The following NPSR1 variants were observed in gnomAD, a reference collection of about 807,000 sequenced individuals.
NPSR1 encodes the protein neuropeptide S receptor.
In NPSR1, 48 loss-of-function variants were observed where a neutral mutation model predicts 46.9. That is an observed-to-expected ratio of 1.02 (90% CI 0.81 to 1.30). NPSR1 has a LOEUF of 1.30. Among genes scored for constraint, NPSR1 ranks in the 50% most tolerant of loss-of-function variants. NPSR1 has a pLI of 0.00. For missense variants in NPSR1, 450 were observed against 449.5 expected, an observed-to-expected ratio of 1.00 and a Z score of -0.01; for synonymous variants, 176 against 168.1, an observed-to-expected ratio of 1.05 and a Z score of -0.36.
At chr7:34,693,283 C>G (rs1319295639) in intron 2 of NPSR1, among the ~76,000 whole-genome samples, 1 of 152,018 alleles carries the variant, frequency 6.6e-6, no homozygotes, top group Non-Finnish European at 1.5e-5. Flanking sequence ...TTCTTTATAG[C>G]CTTGTGAGAA....
At chr7:34,753,090 A>C (rs184407480) in intron 2 of NPSR1, among the ~76,000 whole-genome samples, 2 of 152,330 alleles carry the variant, frequency 1.3e-5, no homozygotes, top group East Asian at 3.9e-4. Flanking sequence ...AATCAATAGT[A>C]ATTGATGAGT....
chr7:34,769,793 T>G (rs1471877017), intron 2 of NPSR1, among the ~76,000 whole-genome samples: 2 of 152,226 alleles, frequency 1.3e-5, no homozygotes, highest in Admixed American at 6.5e-5. Context: ...CTGTTGTGAC[T>G]CTACTTCGGC....
At chr7:34,729,947 A>AT (rs1247536248) in intron 2 of NPSR1, among the ~76,000 whole-genome samples, 2 of 152,022 alleles carry the variant, frequency 1.3e-5, no homozygotes, top group East Asian at 1.9e-4. Flanking sequence ...CTCAATGTTT[A>AT]TTTTTTAGTA....
intron 3 of NPSR1, among the ~76,000 whole-genome samples, chr7:34,796,009 A>G (rs1562735686): frequency 6.6e-6 from 1 of 152,212 alleles, no homozygotes; most frequent in Non-Finnish European, 1.5e-5. Context: ...TATTTACTAT[A>G]AAGCTATAGT....
Position 34,811,832 on chromosome 7 carries a change from C to T in NPSR1, c.447C>T (p.Ala149=). The T allele has an allele frequency of 6.2e-7, 1 of 1,613,334 alleles. No homozygotes were observed. Among genetic ancestry groups the T allele is most frequent in the Non-Finnish European group, 8.5e-7 (1 of 1,179,740 alleles). ...LVSLSIDRYH[A]IVYPMKFLQG... The stretch of plus-strand genomic sequence containing the variant: ...CCCTCAGCATAGACAGATACCATGC[C>T]ATCGTCTACCCCATGAAGTTCCTTC... Residue 149 remains alanine, a synonymous_variant, in exon 4 of 9, where the codon GCC becomes GCT. Transcript: ENST00000360581.
chr7:34,750,185 T>G, intron 2 of NPSR1: 1 of 419,768 alleles, frequency 2.4e-6, no homozygotes, highest in Non-Finnish European at 4.4e-6. Flanking sequence ...GGAACAGAAT[T>G]AGAATTCTAG....
At chr7:34,696,622 T>A (rs1462430309) in intron 2 of NPSR1, among the ~76,000 whole-genome samples, 2 of 151,888 alleles carry the variant, frequency 1.3e-5, no homozygotes, top group Non-Finnish European at 2.9e-5. Flanking sequence ...GAAGAAATCA[T>A]TGAACTGGAA....
intron 2 of NPSR1, among the ~76,000 whole-genome samples, chr7:34,732,247 C>T (rs1328445269): frequency 6.6e-6 from 1 of 152,074 alleles, no homozygotes; most frequent in Non-Finnish European, 1.5e-5. Flanking sequence ...AAAATGTCAG[C>T]AAGAAAAGAA....
intron 2 of NPSR1, among the ~76,000 whole-genome samples, chr7:34,744,731 T>C (rs967298155): frequency 6.6e-6 from 1 of 152,190 alleles, no homozygotes; most frequent in African/African-American, 2.4e-5. Context: ...TAAAACCAGT[T>C]CCCCATCCTA....
chr7:34,664,597 C>A (rs1177662779), intron 1 of NPSR1, among the ~76,000 whole-genome samples: 1 of 137,678 alleles, frequency 7.3e-6, no homozygotes, highest in African/African-American at 3.1e-5. Context: ...ATGAATTAAG[C>A]TGTTTCTTTT....
At chr7:34,765,941 C>T (rs1390136070) in intron 2 of NPSR1, among the ~76,000 whole-genome samples, 1 of 152,136 alleles carries the variant, frequency 6.6e-6, no homozygotes, top group African/African-American at 2.4e-5. Context: ...GCATTATGCT[C>T]AGTACCTGTG....
intron 2 of NPSR1, among the ~76,000 whole-genome samples, chr7:34,705,179 C>T (rs1794037226): frequency 6.6e-6 from 1 of 152,064 alleles, no homozygotes; most frequent in South Asian, 2.1e-4. Flanking sequence ...GTAATCCCAG[C>T]ACTTTGGGAG....
At chr7:34,712,490 T>C (rs1241124758) in intron 2 of NPSR1, among the ~76,000 whole-genome samples, 1 of 152,208 alleles carries the variant, frequency 6.6e-6, no homozygotes, top group Non-Finnish European at 1.5e-5. Context: ...GTTACAATGT[T>C]CCATCTATTT....
At chr7:34,689,181 G>T (rs1793092409) in intron 2 of NPSR1, among the ~76,000 whole-genome samples, 1 of 152,194 alleles carries the variant, frequency 6.6e-6, no homozygotes, top group Admixed American at 6.5e-5. Context: ...TCACAGATCA[G>T]CCCATTGCCC....
chr7:34,837,927 T>G (rs183996465), intron 6 of NPSR1, among the ~76,000 whole-genome samples: 77 of 152,306 alleles, frequency 5.1e-4, no homozygotes, highest in Non-Finnish European at 7.6e-4. Context: ...AGACCAATTT[T>G]GTGGAGGTAG....
intron 3 of NPSR1, among the ~76,000 whole-genome samples, chr7:34,803,576 A>C (rs1036854691): frequency 9.6e-5 from 14 of 146,088 alleles, no homozygotes; most frequent in Admixed American, 1.4e-4. Flanking sequence ...GTGGGGTGGG[A>C]GGAGGGGGGA....
chr7:34,686,519 A>T (rs1792936030), intron 2 of NPSR1, among the ~76,000 whole-genome samples: 1 of 152,182 alleles, frequency 6.6e-6, no homozygotes, highest in Non-Finnish European at 1.5e-5. Context: ...GTGCTTTGAG[A>T]CATATATAAA....
At chr7:34,828,178 A>G (rs1789949954) in intron 5 of NPSR1, among the ~76,000 whole-genome samples, 1 of 152,238 alleles carries the variant, frequency 6.6e-6, no homozygotes, top group Non-Finnish European at 1.5e-5. Flanking sequence ...GGAAGCCACC[A>G]TTGAAGGAGG....
chr7:34,826,200 A>G (rs140650985), intron 4 of NPSR1, among the ~76,000 whole-genome samples: 143 of 152,300 alleles, frequency 9.4e-4, no homozygotes, highest in African/African-American at 3.3e-3. Flanking sequence ...GATTGCTATT[A>G]TAATTCTACC....
Sources: gnomAD v4.1 joint callset for allele counts (sites outside exome capture counted in the v4.1 genomes callset) on GRCh38, gnomAD v4.1.1 for gene constraint, MANE v1.5 for transcripts, NCBI Gene and HGNC (gene_info 2026-07-23, HGNC 2026-07-21) for gene names.